UGT1A4: variants seen among roughly 807,000 people sequenced by gnomAD.
UGT1A4 encodes UDP-glucuronosyltransferase 1A4.
Under a neutral mutation model 41.1 loss-of-function variants are expected in UGT1A4, and 32 were observed. That is an observed-to-expected ratio of 0.78 (90% CI 0.59 to 1.05). The LOEUF (loss-of-function observed/expected upper bound fraction) is 1.05. UGT1A4 is among the 50% of genes least tolerant of loss of function. The pLI is 0.00. For missense variants in UGT1A4, 748 were observed against 677.4 expected, an observed-to-expected ratio of 1.10 and a Z score of -1.16; for synonymous variants, 283 against 265.1, an observed-to-expected ratio of 1.07 and a Z score of -0.66.
At chr2:233,737,076 G>T (rs183644627) in intron 1 of UGT1A4, among the ~76,000 whole-genome samples, 1 of 152,230 alleles carries the variant, frequency 6.6e-6, no homozygotes, top group Non-Finnish European at 1.5e-5. Context: ...CTTCAGAGCT[G>T]TCAGACAGGG....
intron 1 of UGT1A4, chr2:233,750,715 C>G (rs1487132434): frequency 6.6e-6 from 1 of 151,920 alleles, no homozygotes; most frequent in Non-Finnish European, 1.5e-5. Context: ...AGAGCTCAGG[C>G]CATTGCTTCA....
In UGT1A4 at chr2:233,772,906, C is replaced by G; in HGVS notation, c.*347C>G. ...TTCAAAGGTGGTCCCACGGCTGCCCCTACTGCAAATGGCAGTTTTAATCTT... is the reference window on the plus strand; with the variant it reads ...TTCAAAGGTGGTCCCACGGCTGCCCGTACTGCAAATGGCAGTTTTAATCTT... On this transcript the variant is annotated 3_prime_UTR_variant, in exon 5 of 5. Coordinates refer to ENST00000373409, the MANE Select transcript of UGT1A4 (RefSeq NM_007120.3). 1 of 412,406 alleles carries G rather than the reference C, an allele frequency of 2.4e-6. No homozygotes were observed. The highest frequency in any genetic ancestry group is 2.8e-5 in the South Asian group (1 of 36,156). The allele number at this position is 412,406 out of a possible 1,614,324, so 25.5% of individuals were successfully genotyped here. A position where few individuals can be genotyped will look rare whatever the true frequency, so the allele number is the denominator to read the frequency against.
At chr2:233,723,995 T>G (rs1311992606) in intron 1 of UGT1A4, among the ~76,000 whole-genome samples, 3 of 71,382 alleles carry the variant, frequency 4.2e-5, no homozygotes, top group Admixed American at 3.7e-4. Flanking sequence ...CGCCTTTCTA[T>G]TCCACAAAGC....
rs557278496 is a variant in UGT1A4, at chr2:233,723,289, A to T, written c.867+3602A>T. On this transcript the variant is annotated intron_variant, in intron 1 of 4. Coordinates refer to ENST00000373409, the MANE Select transcript of UGT1A4 (RefSeq NM_007120.3). ...CAATGGCACGATGTTGGCTCACTGC[A>T]ACCTCTGCCTCCCAGGTTCAAGCAA... 6.7e-4 allele frequency among the ~76,000 whole-genome samples: 77 copies of T among 114,264 alleles called. 5 individuals carry two copies. The highest frequency in any genetic ancestry group is 9.8e-4 in the Non-Finnish European group (58 of 58,990). The allele number at this position is 114,264 out of a possible 152,430, so 75.0% of individuals were successfully genotyped here.
chr2:233,729,091 G>T (rs745755811), intron 1 of UGT1A4: 4 of 1,612,602 alleles, frequency 2.5e-6, no homozygotes, highest in African/African-American at 2.7e-5. Flanking sequence ...GGCACAGCGT[G>T]GGGTGGACAG....
At chr2:233,760,997 T>A in intron 1 of UGT1A4, 2 of 1,614,168 alleles carry the variant, frequency 1.2e-6, no homozygotes, top group South Asian at 2.2e-5. Flanking sequence ...GCCTCAGAAT[T>A]CCTTCAGAGA....
chr2:233,756,999 G>C (rs889615552), intron 1 of UGT1A4, among the ~76,000 whole-genome samples: 1 of 151,918 alleles, frequency 6.6e-6, no homozygotes, highest in African/African-American at 2.4e-5. Context: ...AGCTGGCCAA[G>C]GGTAGAGTTC....
chr2:233,767,224 C>G (rs1699341321), intron 2 of UGT1A4, 59 bp downstream of exon 2: 2 of 1,610,498 alleles, frequency 1.2e-6, no homozygotes, highest in Non-Finnish European at 1.7e-6. Context: ...TAATCCCAGA[C>G]TTCCAGCTTC....
intron 1 of UGT1A4, 128 bp downstream of exon 1, chr2:233,719,815 A>G: frequency 6.3e-7 from 1 of 1,582,596 alleles, no homozygotes; most frequent in Non-Finnish European, 8.6e-7. Context: ...TTTATAACAG[A>G]TAAACTGTTG....
Position 233,718,963 on chromosome 2 carries a change from T to C in UGT1A4, c.143T>C (p.Leu48Ser), listed in dbSNP as rs138086321. The C allele has an allele frequency of 1.8e-4, 288 of 1,614,194 alleles. No individual in the cohort carries two copies. Among genetic ancestry groups the C allele is most frequent in the South Asian group, 4.9e-4 (45 of 91,080 alleles). The change falls in exon 1 of 5, where the codon TTG becomes TCG. Residue 48 changes from leucine to serine, a missense_variant. Coordinates refer to ENST00000373409, the MANE Select transcript of UGT1A4 (RefSeq NM_007120.3). ...CCCTGGCTCAGCATGCGGGAGGCCT[T>C]GCGGGAGCTCCATGCCAGAGGCCAC... The part of the protein sequence containing the change: ...GSPWLSMREA[L>S]RELHARGHQA...
chr2:233,770,939 G>A (rs923528747), intron 4 of UGT1A4: 1 of 152,144 alleles, frequency 6.6e-6, no homozygotes, highest in African/African-American at 2.4e-5. Context: ...TTGGCTGCCG[G>A]GGGAACCTCA....
At position 233,763,858 on chromosome 2, in the gene UGT1A4, C is replaced by T. The variant is rs577598991; in HGVS notation, c.868-3176C>T. ...GGGTAAGATAGCAGTGGTTCACAGA[C>T]AATCGCAATGCTGGGTCTGAGAAAA... On this transcript the variant is annotated intron_variant, in intron 1 of 4. Transcript: ENST00000373409. 5.1e-4 allele frequency among the ~76,000 whole-genome samples: 77 copies of T among 152,246 alleles called. 2 individuals carry two copies. The South Asian group carries it at 0.016, about 31-fold the overall frequency.
Position 233,767,108 on chromosome 2 carries a change from A to T in UGT1A4, c.942A>T (p.Glu314Asp). ...TCTCTTTGGGATCAATGGTCTCAGA[A>T]ATTCCAGAGAAGAAAGCTATGGCAA... The part of the protein sequence containing the change: ...VVFSLGSMVS[E>D]IPEKKAMAIA... The change falls in exon 2 of 5, where the codon GAA (glutamate) becomes GAT (aspartate). Residue 314 changes from glutamate (E) to aspartate (D), a missense_variant. Glu to Asp is a conservative substitution (Grantham distance 45). Coordinates refer to ENST00000373409, the MANE Select transcript of UGT1A4 (RefSeq NM_007120.3). 1 of 1,614,166 alleles carries T rather than the reference A, an allele frequency of 6.2e-7. No individual in the cohort carries two copies.
chr2:233,763,825 C>A (rs564952155), intron 1 of UGT1A4, among the ~76,000 whole-genome samples: 1 of 152,266 alleles, frequency 6.6e-6, no homozygotes, highest in South Asian at 2.1e-4. Context: ...GATGTTCCTC[C>A]CCTGCCAGGG....
intron 1 of UGT1A4, among the ~76,000 whole-genome samples, chr2:233,756,899 G>C (rs917423369): frequency 1.6e-4 from 25 of 152,034 alleles, no homozygotes; most frequent in African/African-American, 5.8e-4. Context: ...TATCTCACCA[G>C]AACAAACTTC....
chr2:233,730,024 T>A (rs1022627544), intron 1 of UGT1A4: 1 of 1,613,646 alleles, frequency 6.2e-7, no homozygotes, highest in Non-Finnish European at 8.5e-7. Flanking sequence ...CCAATCAATG[T>A]TCCAGGCAAA....
At position 233,772,461 on chromosome 2, in the gene UGT1A4, G is replaced by A. The variant is rs764439291; in HGVS notation, c.1507G>A (p.Val503Met). The change falls in exon 5 of 5, where the codon GTG becomes ATG. Residue 503 changes from valine (V) to methionine (M), a missense_variant. Coordinates refer to ENST00000373409, the MANE Select transcript of UGT1A4 (RefSeq NM_007120.3). ...IGFLLAVVLT[V>M]AFITFKCCAY... is the part of the protein sequence containing the mutation. ...TTTCCTCTTGGCCGTCGTGCTGACAGTGGCCTTCATCACCTTTAAATGTTG... is the reference window on the plus strand; with the variant it reads ...TTTCCTCTTGGCCGTCGTGCTGACAATGGCCTTCATCACCTTTAAATGTTG... 6.2e-7 allele frequency: 1 copy of A among 1,614,184 alleles called. No homozygotes were observed. Among genetic ancestry groups the A allele is most frequent in the Non-Finnish European group, 8.5e-7 (1 of 1,180,040 alleles).
intron 1 of UGT1A4, among the ~76,000 whole-genome samples, chr2:233,746,470 A>C (rs1310621579): frequency 6.6e-6 from 1 of 151,764 alleles, no homozygotes; most frequent in Non-Finnish European, 1.5e-5. Context: ...AGGGTTCCAG[A>C]AACACTTTCC....
chr2:233,719,723 G>A, intron 1 of UGT1A4, 36 bp downstream of exon 1: 1 of 1,613,746 alleles, frequency 6.2e-7, no homozygotes, highest in Non-Finnish European at 8.5e-7. Context: ...CAATGTTCCA[G>A]GCAAAACACT....
Sources: allele counts gnomAD v4.1 joint callset (sites outside exome capture counted in the v4.1 genomes callset), GRCh38; gene constraint gnomAD v4.1.1; transcripts MANE v1.5; gene names NCBI Gene and HGNC (gene_info 2026-07-23, HGNC 2026-07-21).